Variants in VAV2 observed in about 807,000 individuals in gnomAD.
The protein encoded by VAV2 is vav guanine nucleotide exchange factor 2.
VAV2 carries 67 observed loss-of-function variants against 132.5 expected under a neutral mutation model. That is an observed-to-expected ratio of 0.51 (90% CI 0.42 to 0.62). The LOEUF is 0.62. VAV2 is among the 20% of genes least tolerant of loss of function. The pLI is 0.00. For synonymous variants in VAV2, 492 were observed against 443.5 expected, an observed-to-expected ratio of 1.11 and a Z score of -1.37; for missense variants, 938 against 1,153.6, an observed-to-expected ratio of 0.81 and a Z score of 2.71.
chr9:133,834,826 G>A lies in VAV2; in HGVS notation c.381-486C>T, dbSNP rs1836401263. On this transcript the variant is annotated intron_variant, in intron 3 of 29. Transcript: ENST00000371850. The surrounding 1 kb of genome is among the most constrained non-coding windows in gnomAD (Gnocchi z 5.9). The stretch of plus-strand genomic sequence containing the variant: ...GGAGGGGTGACTTCTGAGGCACTGA[G>A]GGTAGGGGCTCACCCACGCCACCCA... Among the ~76,000 whole-genome samples the A allele has an allele frequency of 1.3e-5, 2 of 152,170 alleles. No homozygotes were observed. Among genetic ancestry groups the A allele is most frequent in the African/African-American group, 2.4e-5 (1 of 41,442 alleles).
rs780678418 is a variant in VAV2 at position 133,797,821 on chromosome 9, A to G, written c.837-12T>C. 8 of 1,609,872 alleles carry G rather than the reference A, an allele frequency of 5.0e-6. No individual in the cohort carries two copies. The East Asian group carries it at 8.9e-5, about 18-fold the overall frequency. On this transcript the variant is annotated splice_polypyrimidine_tract_variant and intron_variant, in intron 9 of 29. Coordinates refer to ENST00000371850, the MANE Select transcript of VAV2 (RefSeq NM_001134398.2). ...CGTAGATCAGAAGCCTGGACGGTGC[A>G]CACACACGCACACACGCACACAGAT...
rs186610612 is a variant in VAV2, at chr9:133,819,146, C to T, written c.450-6930G>A. On this transcript the variant is annotated intron_variant, in intron 4 of 29. Coordinates refer to ENST00000371850, the MANE Select transcript of VAV2 (RefSeq NM_001134398.2). The stretch of plus-strand genomic sequence containing the variant: ...CACTTCCCATTAACCTCTTGTCATT[C>T]GCCCGGGGCACCGAGGTTAAAAGTG... Among the ~76,000 whole-genome samples the T allele has an allele frequency of 5.7e-4, 86 of 152,068 alleles. 2 individuals are homozygous for T. In the East Asian group the frequency reaches 0.015, roughly 27 times the overall value.
intron 9 of VAV2, among the ~76,000 whole-genome samples, chr9:133,801,489 G>A (rs980299425): frequency 5.3e-5 from 8 of 152,316 alleles, no homozygotes; most frequent in Non-Finnish European, 1.0e-4. Context: ...CTCTCTCTCC[G>A]TGGAGTCCAG....
intron 1 of VAV2, among the ~76,000 whole-genome samples, chr9:133,981,751 G>A (rs1328577688): frequency 1.3e-5 from 2 of 152,194 alleles, no homozygotes; most frequent in African/African-American, 4.8e-5. Flanking sequence ...CGCCCCTGCG[G>A]GCCACTCATC....
At position 133,768,275 on chromosome 9, in the gene VAV2, CT is replaced by C. The variant is rs2131561755; in HGVS notation, c.2589+166del. ...AAACATCTGGAGCCTCGGTTTCCCC[CT>C]GTGAATGCCAACCTTCTGGGCTGCT... On this transcript the variant is annotated intron_variant, in intron 29 of 29. Coordinates refer to ENST00000371850, the MANE Select transcript of VAV2 (RefSeq NM_001134398.2). This position sits in a 1 kb window ranked among gnomAD's most constrained non-coding sequence, Gnocchi z 5.3. 6.6e-6 allele frequency among the ~76,000 whole-genome samples: 1 copy of C among 152,258 alleles called. No individual in the cohort carries two copies. Among genetic ancestry groups the C allele is most frequent in the African/African-American group, 2.4e-5 (1 of 41,546 alleles).
intron 2 of VAV2, among the ~76,000 whole-genome samples, chr9:133,917,800 G>A (rs1321710707): frequency 6.6e-6 from 1 of 152,242 alleles, no homozygotes; most frequent in Non-Finnish European, 1.5e-5. Flanking sequence ...ATCCCAGAGA[G>A]AGAACCCTGT....
rs1268361330 is a variant in VAV2, at chr9:133,824,266, G to C, written c.449+10006C>G. ...CACAGCCACCTCCCGACGGGGACTGGGCTTGTCTAGACCACAGGAGCGAGA... is the reference window on the plus strand; with the variant it reads ...CACAGCCACCTCCCGACGGGGACTGCGCTTGTCTAGACCACAGGAGCGAGA... On this transcript the variant is annotated intron_variant, in intron 4 of 29. Coordinates refer to ENST00000371850, the MANE Select transcript of VAV2 (RefSeq NM_001134398.2). This position sits in a 1 kb window ranked among gnomAD's most constrained non-coding sequence, Gnocchi z 5.2. 6.6e-6 allele frequency among the ~76,000 whole-genome samples: 1 copy of C among 152,108 alleles called. No homozygotes were observed. The highest frequency in any genetic ancestry group is 1.5e-5 in the Non-Finnish European group (1 of 68,026).
chr9:133,806,055 A>G (rs1424489916), intron 9 of VAV2, 26 bp downstream of exon 9: 3 of 1,599,302 alleles, frequency 1.9e-6, no homozygotes, highest in Non-Finnish European at 2.6e-6. Context: ...GGGGCCAAGG[A>G]GCCCCAGGAG....
intron 1 of VAV2, among the ~76,000 whole-genome samples, chr9:133,975,120 G>A (rs1187532770): frequency 2.6e-5 from 4 of 152,172 alleles, no homozygotes; most frequent in Admixed American, 6.5e-5. Flanking sequence ...CAGAATGAAG[G>A]GAATGAAGGC....
intron 1 of VAV2, among the ~76,000 whole-genome samples, chr9:133,985,317 T>G (rs568577582): frequency 6.6e-6 from 1 of 151,984 alleles, no homozygotes; most frequent in African/African-American, 2.4e-5. Flanking sequence ...AGTCTCACTC[T>G]GTCACCCAGG....
At position 133,794,514 on chromosome 9, in the gene VAV2, T is replaced by A. The variant is rs1834628618; in HGVS notation, c.1101+1154A>T. Among the ~76,000 whole-genome samples the A allele has an allele frequency of 6.6e-6, 1 of 152,144 alleles. No homozygotes were observed. The highest frequency in any genetic ancestry group is 1.5e-5 in the Non-Finnish European group (1 of 68,046). ...ACTCCCGTCCCAGCCCAACAGCAGC[T>A]ATAGACAGAGACAGATTACAGCCCC... On this transcript the variant is annotated intron_variant, in intron 12 of 29. Transcript: ENST00000371850. The surrounding 1 kb of genome is among the most constrained non-coding windows in gnomAD (Gnocchi z 4.6).
chr9:133,915,702 GCA>G (rs58738874), intron 2 of VAV2, among the ~76,000 whole-genome samples: 51,770 of 147,232 alleles, frequency 0.35, 9,414 homozygotes, highest in East Asian at 0.71. Context: ...CACACACAAT[GCA>G]CAGACGCACA....
In VAV2 at chr9:133,788,041, T is replaced by A. The variant is rs1834300373; in HGVS notation, c.1407+313A>T. On this transcript the variant is annotated intron_variant, in intron 15 of 29. Coordinates refer to ENST00000371850, the MANE Select transcript of VAV2 (RefSeq NM_001134398.2). This position sits in a 1 kb window ranked among gnomAD's most constrained non-coding sequence, Gnocchi z 5.3. ...AAAGCCAAGGTTGAAAGTCCCACCC[T>A]CACTAGAGGCCTTGGGGTGGCCTCT... Among the ~76,000 whole-genome samples the A allele has an allele frequency of 1.3e-5, 2 of 152,204 alleles. No homozygotes were observed.
At chr9:133,781,820 G>A (rs1454994909) in intron 19 of VAV2, among the ~76,000 whole-genome samples, 1 of 152,272 alleles carries the variant, frequency 6.6e-6, no homozygotes, top group African/African-American at 2.4e-5. Context: ...GGGGAGAATG[G>A]AGCTGGTGCC....
intron 1 of VAV2, among the ~76,000 whole-genome samples, chr9:133,981,655 C>G (rs1842697598): frequency 1.3e-5 from 2 of 152,356 alleles, no homozygotes; most frequent in Non-Finnish European, 2.9e-5. Context: ...CCACCGTCAT[C>G]CCATTTCAGA....
Position 133,810,221 on chromosome 9 carries a change from AAG to A in VAV2, c.553-18_553-17del. On this transcript the variant is annotated splice_polypyrimidine_tract_variant and intron_variant, in intron 5 of 29. Coordinates refer to ENST00000371850, the MANE Select transcript of VAV2 (RefSeq NM_001134398.2). Reference sequence around the variant, plus strand: ...TGTATCTAATCTGCAAGCGTGGAGAAAGAACCAGAAACAGCGCCGGTTAGCAG... The same window carrying A: ...TGTATCTAATCTGCAAGCGTGGAGAAAACCAGAAACAGCGCCGGTTAGCAG... 1 of 1,613,406 alleles carries A rather than the reference AAG, an allele frequency of 6.2e-7. No individual in the cohort carries two copies. The highest frequency in any genetic ancestry group is 8.5e-7 in the Non-Finnish European group (1 of 1,179,840).
chr9:133,931,793 G>A (rs940832532), intron 2 of VAV2, among the ~76,000 whole-genome samples: 1 of 152,202 alleles, frequency 6.6e-6, no homozygotes, highest in Non-Finnish European at 1.5e-5. Flanking sequence ...CCAGGGCCCC[G>A]CGAAGGAGCT....
In VAV2 at chr9:133,912,555, C is replaced by T. The variant is rs529829710; in HGVS notation, c.321+26548G>A. 2.0e-5 allele frequency among the ~76,000 whole-genome samples: 3 copies of T among 152,210 alleles called. No homozygotes were observed. Among genetic ancestry groups the T allele is most frequent in the South Asian group, 2.1e-4 (1 of 4,824 alleles). ...GCCAAATTCTGGGGGTGGGGGCACA[C>T]GGGGAGAGGTTCCTGCACCCTAACG... On this transcript the variant is annotated intron_variant, in intron 2 of 29. Transcript: ENST00000371850. This position sits in a 1 kb window ranked among gnomAD's most constrained non-coding sequence, Gnocchi z 4.3.
rs115530094 is a variant in VAV2 at position 133,845,691 on chromosome 9, G to A, written c.381-11351C>T. On this transcript the variant is annotated intron_variant, in intron 3 of 29. Coordinates refer to ENST00000371850, the MANE Select transcript of VAV2 (RefSeq NM_001134398.2). ...CAACCCCAGGGCCTGTCTAGGAGCA[G>A]CCACTACCCTTCCATCCCCTGCCCA... 6.2e-3 allele frequency among the ~76,000 whole-genome samples: 946 copies of A among 152,346 alleles called. 9 individuals carry two copies. Among genetic ancestry groups the A allele is most frequent in the African/African-American group, 0.021 (892 of 41,578 alleles).
Sources: allele counts gnomAD v4.1 joint callset (sites outside exome capture counted in the v4.1 genomes callset), GRCh38; gene constraint gnomAD v4.1.1; non-coding constraint Gnocchi (gnomAD v3.1); transcripts MANE v1.5; gene names NCBI Gene and HGNC (gene_info 2026-07-23, HGNC 2026-07-21).